The following TUBGCP3 variants were observed in gnomAD, a reference collection of about 807,000 sequenced individuals.
The protein encoded by TUBGCP3 is gamma-tubulin complex component 3.
A neutral mutation model predicts 123.1 loss-of-function variants in TUBGCP3; 50 were observed. That is an observed-to-expected ratio of 0.41 (90% confidence interval 0.32 to 0.51). The LOEUF (loss-of-function observed/expected upper bound fraction) is 0.51, where lower values mean the gene tolerates loss of function less well. Ranked by LOEUF, TUBGCP3 falls within the 20% of genes least tolerant of loss-of-function variation. The probability of loss-of-function intolerance (pLI) is 0.36; values close to 1 mark genes in which losing one functional copy is unlikely to be tolerated. For missense variants in TUBGCP3, 882 were observed against 1,127.0 expected, an observed-to-expected ratio of 0.78 and a Z score of 3.11; for synonymous variants, 405 against 413.9, an observed-to-expected ratio of 0.98 and a Z score of 0.26.
At chr13:112,571,492 C>G (rs1168740315) in intron 1 of TUBGCP3, among the ~76,000 whole-genome samples, 1 of 152,156 alleles carries the variant, frequency 6.6e-6, no homozygotes, top group East Asian at 1.9e-4. Context: ...TTCTAGAGCA[C>G]AGGAAGAGTA....
intron 3 of TUBGCP3, among the ~76,000 whole-genome samples, chr13:112,561,247 C>A (rs999701465): frequency 6.6e-6 from 1 of 152,152 alleles, no homozygotes; most frequent in African/African-American, 2.4e-5. Context: ...CATGTGTCCC[C>A]GGTGAGTCCC....
At chr13:112,543,168 G>A (rs527519053) in intron 11 of TUBGCP3, among the ~76,000 whole-genome samples, 4 of 152,088 alleles carry the variant, frequency 2.6e-5, no homozygotes, top group South Asian at 2.1e-4. Context: ...AGAGTGTGGC[G>A]GTCCATGCAG....
the TUBGCP3 span, among the ~76,000 whole-genome samples, chr13:112,597,509 A>ATT: frequency 6.6e-6 from 1 of 152,222 alleles, no homozygotes; most frequent in South Asian, 2.1e-4. Context: ...CAAGAGAAAC[A>ATT]ACAGAAAACT....
Position 112,524,956 on chromosome 13 carries a change from C to A in TUBGCP3, c.1555+1986G>T, listed in dbSNP as rs151021126. Among the ~76,000 whole-genome samples the A allele has an allele frequency of 6.6e-6, 1 of 152,154 alleles. No homozygotes were observed. The highest frequency in any genetic ancestry group is 2.4e-5 in the African/African-American group (1 of 41,428). Reference sequence around the variant, plus strand: ...CTCCCGAAATCCCCTGCTGCCCTTCCGACTTGGCCTCACGAGCTCAGAGTT... The same window carrying A: ...CTCCCGAAATCCCCTGCTGCCCTTCAGACTTGGCCTCACGAGCTCAGAGTT... On this transcript the variant is annotated intron_variant, in intron 13 of 21. Coordinates refer to ENST00000261965, the MANE Select transcript of TUBGCP3 (RefSeq NM_006322.6). This position sits in a 1 kb window ranked among gnomAD's most constrained non-coding sequence, Gnocchi z 4.4.
the TUBGCP3 span, among the ~76,000 whole-genome samples, chr13:112,596,244 G>A: frequency 2.2e-4 from 33 of 152,110 alleles, no homozygotes; most frequent in African/African-American, 7.0e-4. Flanking sequence ...CTGATGTTTC[G>A]TGATTCTGTC....
intron 9 of TUBGCP3, 80 bp downstream of exon 9, chr13:112,548,028 G>T: frequency 9.2e-7 from 1 of 1,090,910 alleles, no homozygotes; most frequent in Non-Finnish European, 1.3e-6. Flanking sequence ...ATGTATGAAG[G>T]AACTTAAAAC....
intron 21 of TUBGCP3, among the ~76,000 whole-genome samples, chr13:112,489,051 T>G (rs923055988): frequency 4.4e-3 from 192 of 43,444 alleles, no homozygotes; most frequent in Admixed American, 6.0e-3. Context: ...CCCACCACAG[T>G]GGAGCACAGG....
chr13:112,566,535 T>C (rs911751662), intron 2 of TUBGCP3, among the ~76,000 whole-genome samples: 3 of 152,224 alleles, frequency 2.0e-5, no homozygotes, highest in Non-Finnish European at 4.4e-5. Context: ...ACTCTTCCTA[T>C]ATGGAAAAGG....
intron 16 of TUBGCP3, among the ~76,000 whole-genome samples, chr13:112,517,144 G>A (rs1467503557): frequency 1.3e-5 from 2 of 152,162 alleles, no homozygotes; most frequent in Admixed American, 6.5e-5. Flanking sequence ...AGCCTCCTGA[G>A]TAGCCATAAT....
At chr13:112,605,337 T>TAATA in the TUBGCP3 span, 1 of 147,282 alleles carries the variant, frequency 6.8e-6, no homozygotes. Flanking sequence ...ATAATAATAA[T>TAATA]AACAACAGCT....
At chr13:112,580,550 C>T (rs933291050) in intron 1 of TUBGCP3, among the ~76,000 whole-genome samples, 4 of 152,154 alleles carry the variant, frequency 2.6e-5, no homozygotes, top group African/African-American at 9.7e-5. Context: ...GAAGGATCAT[C>T]AAGTGTTAAT....
In TUBGCP3 at chr13:112,485,053, A is replaced by G. The variant is rs1009918748; in HGVS notation, c.*940T>C. ...TAATTTTCTAAATTTTCACTTATGC[A>G]ACATAAAGGCAGATTTATGTGACCT... On this transcript the variant is annotated 3_prime_UTR_variant, in exon 22 of 22. Transcript: ENST00000261965. 6.6e-6 allele frequency: 1 copy of G among 152,620 alleles called. No homozygotes were observed. The highest frequency in any genetic ancestry group is 2.4e-5 in the African/African-American group (1 of 41,464). 9.5% of individuals were successfully genotyped at this position (152,620 alleles called of 1,614,324 possible). A position where few individuals can be genotyped will look rare whatever the true frequency, so the allele number is the denominator to read the frequency against.
chr13:112,570,571 T>C (rs1881318784), intron 1 of TUBGCP3, among the ~76,000 whole-genome samples: 1 of 152,236 alleles, frequency 6.6e-6, no homozygotes, highest in Non-Finnish European at 1.5e-5. Flanking sequence ...CATCTGAGCC[T>C]TCAGCAAGTC....
At chr13:112,488,001 G>C (rs369250901) in intron 21 of TUBGCP3, among the ~76,000 whole-genome samples, 1 of 151,596 alleles carries the variant, frequency 6.6e-6, no homozygotes, top group Non-Finnish European at 1.5e-5. Flanking sequence ...GTGTGGTGGC[G>C]CGTGCCTGTA....
rs573194890 is a variant in TUBGCP3, at chr13:112,486,011, C to T, written c.2706G>A (p.Arg902=). ...RLRVSLGTRG[R]RSSHT is the part of the protein sequence containing the mutation. ...GCGAGCTTCACGTGTGGGAGCTGCG[C>T]CGCCCCCTGGTACCCAGAGACACAC... Residue 902 remains arginine (R), a synonymous_variant, in exon 22 of 22, where the codon CGG becomes CGA. Transcript: ENST00000261965. 1.8e-5 allele frequency: 29 copies of T among 1,604,586 alleles called. No individual in the cohort carries two copies. The highest frequency in any genetic ancestry group is 5.0e-5 in the Admixed American group (3 of 59,682).
At chr13:112,527,326 T>C in intron 12 of TUBGCP3, 48 bp downstream of exon 12, 1 of 1,322,958 alleles carries the variant, frequency 7.6e-7, no homozygotes, top group Non-Finnish European at 1.0e-6. Context: ...AATCTAAGTA[T>C]ACATAGCCAT....
At chr13:112,528,637 A>G (rs1413007426) in intron 11 of TUBGCP3, among the ~76,000 whole-genome samples, 1 of 152,066 alleles carries the variant, frequency 6.6e-6, no homozygotes, top group East Asian at 1.9e-4. Context: ...AATATTAGAG[A>G]TTTAATTTTT....
intron 21 of TUBGCP3, among the ~76,000 whole-genome samples, chr13:112,488,605 C>G (rs1209739952): frequency 1.3e-5 from 2 of 151,084 alleles, no homozygotes; most frequent in African/African-American, 4.9e-5. Flanking sequence ...AGGGGCCACC[C>G]CCAGGTCCCC....
chr13:112,569,199 G>T lies in TUBGCP3; in HGVS notation c.137C>A (p.Thr46Asn). ...TACTAAAAATTCATCTCTTTCAACA[G>T]TTGGGGCGAAGTTGCTGCCAATCAC... Reference protein sequence around the residue: ...VRVIGSNFAPTVERDEFLVAE... With the variant: ...VRVIGSNFAPNVERDEFLVAE... Residue 46 changes from threonine (T) to asparagine (N), a missense_variant, in exon 2 of 22, where the codon ACT (threonine) becomes AAT (asparagine). Physicochemically the swap from Thr to Asn is moderately conservative, Grantham distance 65. Transcript: ENST00000261965. 6.2e-7 allele frequency: 1 copy of T among 1,614,146 alleles called. No homozygotes were observed. Among genetic ancestry groups the T allele is most frequent in the Non-Finnish European group, 8.5e-7 (1 of 1,180,040 alleles).
Sources: gnomAD v4.1 joint callset for allele counts (sites outside exome capture counted in the v4.1 genomes callset) on GRCh38, gnomAD v4.1.1 for gene constraint, Gnocchi (gnomAD v3.1) non-coding constraint, MANE v1.5 for transcripts, NCBI Gene and HGNC (gene_info 2026-07-23, HGNC 2026-07-21) for gene names.